Variants in CBL observed in about 807,000 individuals in gnomAD.
CBL encodes E3 ubiquitin-protein ligase CBL.
A neutral mutation model predicts 96.9 loss-of-function variants in CBL; 45 were observed. That is an observed-to-expected ratio of 0.46 (90% CI 0.37 to 0.60). The LOEUF is 0.60. CBL is among the 20% of genes least tolerant of loss of function. The pLI, the probability that CBL is intolerant of heterozygous loss-of-function variation, is 0.00. For synonymous variants in CBL, 420 were observed against 426.8 expected, an observed-to-expected ratio of 0.98 and a Z score of 0.20; for missense variants, 1,024 against 1,143.5, an observed-to-expected ratio of 0.90 and a Z score of 1.51.
At chr11:119,274,777 C>CT (rs1949875671) in intron 4 of CBL, 55 bp from the exon 5 acceptor site, 1 of 1,560,160 alleles carries the variant, frequency 6.4e-7, no homozygotes, top group African/African-American at 1.4e-5. Context: ...TCATTGCCCT[C>CT]TGAGTTGGTT....
chr11:119,295,483 A>C (rs1950057133), intron 12 of CBL, among the ~76,000 whole-genome samples: 1 of 151,962 alleles, frequency 6.6e-6, no homozygotes, highest in Non-Finnish European at 1.5e-5. Context: ...GCATTTTGGG[A>C]GGCTGGGGCG....
At chr11:119,257,556 G>C (rs148763089) in intron 2 of CBL, among the ~76,000 whole-genome samples, 44 of 152,238 alleles carry the variant, frequency 2.9e-4, no homozygotes, top group African/African-American at 1.0e-3. Context: ...CTCCCATTCT[G>C]TGGGTTCCAT....
chr11:119,277,795 T>C lies in CBL; in HGVS notation c.1046T>C (p.Leu349Pro). 6.2e-7 allele frequency: 1 copy of C among 1,614,084 alleles called. No individual in the cohort carries two copies. The highest frequency in any genetic ancestry group is 8.5e-7 in the Non-Finnish European group (1 of 1,179,952). The change falls in exon 7 of 16, where the codon CTG (leucine) becomes CCG (proline). Residue 349 changes from leucine (L) to proline (P), a missense_variant. By Grantham distance (98) the Leu-to-Pro change is moderately conservative. Transcript: ENST00000264033. ...GATGGACGAAATCAGAATCCTGATC[T>C]GACTGGCTTATGTGAACCAACTCCC... ...FPDGRNQNPD[L>P]TGLCEPTPQD...
At chr11:119,270,865 G>A (rs928106619) in intron 2 of CBL, among the ~76,000 whole-genome samples, 8 of 152,242 alleles carry the variant, frequency 5.3e-5, no homozygotes, top group African/African-American at 1.2e-4. Context: ...CAGGCGTGAG[G>A]CACCACTCTC....
In CBL at chr11:119,256,626, G is replaced by A. The variant is rs1476969276; in HGVS notation, c.444-15109G>A. Among the ~76,000 whole-genome samples the A allele has an allele frequency of 2.0e-5, 3 of 150,742 alleles. No individual in the cohort carries two copies. The East Asian group carries it at 5.8e-4, about 29-fold the overall frequency. On this transcript the variant is annotated intron_variant, in intron 2 of 15. Transcript: ENST00000264033. ...TTATATGAATGAATTATATAGTGAA[G>A]TCTGAGATTTTGGTGCACCCATTAC...
At chr11:119,273,112 G>C (rs142542428) in intron 3 of CBL, among the ~76,000 whole-genome samples, 3 of 152,082 alleles carry the variant, frequency 2.0e-5, no homozygotes, top group East Asian at 1.9e-4. Flanking sequence ...GGGACTACAC[G>C]TGTGTGCTGC....
chr11:119,221,780 A>T (rs1218602057), intron 1 of CBL, among the ~76,000 whole-genome samples: 1 of 152,118 alleles, frequency 6.6e-6, no homozygotes, highest in Non-Finnish European at 1.5e-5. Context: ...AAAAAAAAAA[A>T]AAGCTTCACT....
rs1949509363 is a variant in CBL at position 119,232,333 on chromosome 11, A to C, written c.196-115A>C. The C allele has an allele frequency of 2.6e-6, 3 of 1,150,924 alleles. No individual in the cohort carries two copies. In the South Asian group the frequency reaches 3.8e-5, roughly 15 times the overall value. The allele number at this position is 1,150,924 out of a possible 1,614,324, so 71.3% of individuals were successfully genotyped here. A position where few individuals can be genotyped will look rare whatever the true frequency, so the allele number is the denominator to read the frequency against. On this transcript the variant is annotated intron_variant, in intron 1 of 15. Coordinates refer to ENST00000264033, the MANE Select transcript of CBL (RefSeq NM_005188.4). ...TTATGGATCTGCTTCTTATATTCTC[A>C]TGTATTTTTCATATTTTGCAAAAGA... is the stretch of plus-strand genomic sequence containing the variant.
chr11:119,229,703 C>T (rs751097698), intron 1 of CBL, among the ~76,000 whole-genome samples: 13 of 151,238 alleles, frequency 8.6e-5, no homozygotes, highest in Non-Finnish European at 1.6e-4. Flanking sequence ...TTACAATTTT[C>T]ATATTATCAT....
chr11:119,212,332 A>G (rs1296964842), intron 1 of CBL, among the ~76,000 whole-genome samples: 1 of 152,142 alleles, frequency 6.6e-6, no homozygotes, highest in Non-Finnish European at 1.5e-5. Flanking sequence ...AATTAAAAAA[A>G]TATTTTATTG....
chr11:119,206,668 G>A (rs903211457), intron 1 of CBL, 56 bp downstream of exon 1: 98 of 1,509,956 alleles, frequency 6.5e-5, no homozygotes, highest in Non-Finnish European at 1.6e-5. Context: ...GGAGGGCCGC[G>A]GGGAGGGGAA....
chr11:119,221,793 AT>A, intron 1 of CBL, among the ~76,000 whole-genome samples: 1 of 151,964 alleles, frequency 6.6e-6, no homozygotes, highest in Non-Finnish European at 1.5e-5. Context: ...GCTTCACTAT[AT>A]ATTTATACCT....
intron 11 of CBL, among the ~76,000 whole-genome samples, chr11:119,285,781 A>G (rs962990480): frequency 2.0e-5 from 3 of 152,178 alleles, no homozygotes; most frequent in African/African-American, 7.2e-5. Flanking sequence ...CTGTAATTCC[A>G]GCTACTCGGG....
intron 12 of CBL, among the ~76,000 whole-genome samples, chr11:119,294,231 C>T (rs1273199748): frequency 1.3e-5 from 2 of 151,504 alleles, no homozygotes; most frequent in African/African-American, 4.9e-5. Context: ...GATATCGAGA[C>T]CAGCCTGGGC....
At chr11:119,219,588 C>G (rs1949391647) in intron 1 of CBL, among the ~76,000 whole-genome samples, 1 of 151,850 alleles carries the variant, frequency 6.6e-6, no homozygotes. Flanking sequence ...ATGCATCCCC[C>G]TAAGATAAAG....
rs2227988 is a variant in CBL, at chr11:119,285,483, C to T, written c.1858C>T (p.Leu620Phe). ...TGRELTNRHSLPFSLPSQMEP... is the reference protein window; with the variant it reads ...TGRELTNRHSFPFSLPSQMEP... ...AAGAGAATTAACCAACCGGCACTCA[C>T]TTCCATTTTCATTGCCCTCACAAAT... The change falls in exon 11 of 16, where the codon CTT becomes TTT. Residue 620 changes from leucine to phenylalanine, a missense_variant. By Grantham distance (22) the Leu-to-Phe change is conservative. Transcript: ENST00000264033. 1.8e-3 allele frequency: 2,869 copies of T among 1,614,204 alleles called. 70 individuals are homozygous for T. In the East Asian group the frequency reaches 0.047, roughly 26 times the overall value.
intron 1 of CBL, among the ~76,000 whole-genome samples, chr11:119,220,856 G>A (rs988855067): frequency 6.6e-6 from 1 of 151,794 alleles, no homozygotes; most frequent in East Asian, 1.9e-4. Context: ...CAAGTAAGGC[G>A]TTTTTCAAAT....
chr11:119,243,894 C>T (rs892650252), intron 2 of CBL, among the ~76,000 whole-genome samples: 1 of 151,748 alleles, frequency 6.6e-6, no homozygotes, highest in Admixed American at 6.6e-5. Flanking sequence ...ATGCCTGGCT[C>T]GTTTTTAAAT....
rs1949970576 is a variant in CBL, at chr11:119,285,075, C to T, written c.1538C>T (p.Ala513Val). Residue 513 changes from alanine (A) to valine (V), a missense_variant, in exon 10 of 16, where the codon GCT becomes GTT. Ala to Val is a moderately conservative substitution (Grantham distance 64). This residue lies in a region of CBL where 695 missense variants were observed against 661.6 expected (regional missense o/e 1.05). Transcript: ENST00000264033. ...LPQRVCVPSS[A>V]SALGTASKAA... The stretch of plus-strand genomic sequence containing the variant: ...CAGCGAGTATGTGTTCCCTCAAGTG[C>T]TTCTGCTCTTGGAACTGCTTCTAAG... 3 of 1,614,176 alleles carry T rather than the reference C, an allele frequency of 1.9e-6. No homozygotes were observed. The highest frequency in any genetic ancestry group is 1.7e-5 in the Admixed American group (1 of 60,020).
Sources: allele counts gnomAD v4.1 joint callset (sites outside exome capture counted in the v4.1 genomes callset), GRCh38; gene constraint gnomAD v4.1.1; regional missense constraint gnomAD v4.1.1; transcripts MANE v1.5; gene names NCBI Gene and HGNC (gene_info 2026-07-23, HGNC 2026-07-21).